Variants in BUB1B observed in about 807,000 individuals in gnomAD.
BUB1B encodes mitotic checkpoint serine/threonine-protein kinase BUB1 beta.
BUB1B carries 86 observed loss-of-function variants against 137.7 expected under a neutral mutation model. That is an observed-to-expected ratio of 0.62 (90% CI 0.52 to 0.75). The LOEUF (loss-of-function observed/expected upper bound fraction) is 0.75, where lower values mean the gene tolerates loss of function less well. Among genes scored for constraint, BUB1B ranks in the 30% least tolerant of loss-of-function variants. BUB1B has a pLI of 0.00. For missense variants in BUB1B, 1,130 were observed against 1,236.9 expected (o/e 0.91, Z 1.30); for synonymous variants, 420 against 417.9 (o/e 1.00, Z -0.06).
intron 14 of BUB1B, among the ~76,000 whole-genome samples, chr15:40,204,763 A>G (rs913767469): frequency 1.3e-4 from 19 of 151,092 alleles, no homozygotes; most frequent in African/African-American, 4.4e-4. Flanking sequence ...CAGCCTCCCA[A>G]TTAGCTGGGA....
At position 40,161,212 on chromosome 15, in the gene BUB1B, G is replaced by A. The variant is rs766028949; in HGVS notation, c.-9G>A. 8.1e-6 allele frequency: 13 copies of A among 1,613,446 alleles called. No homozygotes were observed. Among genetic ancestry groups the A allele is most frequent in the East Asian group, 6.7e-5 (3 of 44,856 alleles). On this transcript the variant is annotated 5_prime_UTR_variant, in exon 1 of 23. Coordinates refer to ENST00000287598, the MANE Select transcript of BUB1B (RefSeq NM_001211.6). ...GCAGCAGGACGAGGACCTGAGCCAG[G>A]AATGCAGGATGGCGGCGGTGAAGAA...
At chr15:40,178,087 G>A (rs1484045302) in intron 5 of BUB1B, among the ~76,000 whole-genome samples, 1 of 135,646 alleles carries the variant, frequency 7.4e-6, no homozygotes, top group African/African-American at 2.7e-5. Context: ...TTTTATTTCT[G>A]CACTTTATTT....
intron 5 of BUB1B, among the ~76,000 whole-genome samples, chr15:40,179,486 T>A (rs1476879097): frequency 1.3e-5 from 2 of 152,204 alleles, no homozygotes; most frequent in Non-Finnish European, 2.9e-5. Context: ...TTAGCTTCTT[T>A]AACTTTTAAC....
intron 3 of BUB1B, 54 bp from the exon 4 acceptor site, chr15:40,170,483 A>G: frequency 6.3e-7 from 1 of 1,599,038 alleles, no homozygotes; most frequent in Non-Finnish European, 8.6e-7. Flanking sequence ...TGGAGCAAGA[A>G]CAAAAGTACA....
Position 40,185,183 on chromosome 15 carries a change from G to A in BUB1B, c.770G>A (p.Gly257Glu). The A allele has an allele frequency of 6.2e-7, 1 of 1,613,960 alleles. No individual in the cohort carries two copies. Residue 257 changes from glycine to glutamate, a missense_variant, in exon 7 of 23, where the codon GGA (glycine) becomes GAA (glutamate). Gly to Glu is a moderately conservative substitution (Grantham distance 98). Transcript: ENST00000287598. ...CTCCTAGCTCCAAGCCAGAACAGAG[G>A]ACTCCAAAATCCATTTCCTCAACAG... ...GALKAPSQNRGLQNPFPQQMQ... is the reference protein window; with the variant it reads ...GALKAPSQNRELQNPFPQQMQ...
intron 2 of BUB1B, among the ~76,000 whole-genome samples, chr15:40,165,896 A>C (rs1428153150): frequency 6.6e-6 from 1 of 150,738 alleles, no homozygotes; most frequent in Non-Finnish European, 1.5e-5. Context: ...TCTATCACCC[A>C]GGTTGGAGTA....
At chr15:40,185,758 C>G (rs947088819) in intron 8 of BUB1B, 116 bp downstream of exon 8, 13 of 950,450 alleles carry the variant, frequency 1.4e-5, no homozygotes, top group African/African-American at 9.7e-5. Flanking sequence ...CCAGGCCAGG[C>G]GCAGTAGCTC....
At chr15:40,220,093 A>C (rs1212002488) in intron 22 of BUB1B, among the ~76,000 whole-genome samples, 1 of 152,214 alleles carries the variant, frequency 6.6e-6, no homozygotes, top group Admixed American at 6.5e-5. Context: ...TTCTCTGATC[A>C]AAAGAAAATA....
intron 2 of BUB1B, among the ~76,000 whole-genome samples, chr15:40,168,338 G>A (rs951308621): frequency 1.3e-5 from 2 of 151,838 alleles, no homozygotes; most frequent in East Asian, 3.9e-4. Context: ...TTGCACTCTA[G>A]CCTGGGTAGC....
chr15:40,217,083 A>C (rs1288319283), intron 20 of BUB1B, among the ~76,000 whole-genome samples: 4 of 152,248 alleles, frequency 2.6e-5, no homozygotes, highest in Non-Finnish European at 4.4e-5. Flanking sequence ...CCTATCTGGA[A>C]TAGTAAACAA....
intron 8 of BUB1B, among the ~76,000 whole-genome samples, chr15:40,191,242 A>G (rs1245327857): frequency 6.6e-6 from 1 of 152,182 alleles, no homozygotes. Flanking sequence ...TTCACTTAAT[A>G]TTTTTGGACC....
At chr15:40,219,795 A>G (rs953700790) in intron 22 of BUB1B, among the ~76,000 whole-genome samples, 28 of 152,052 alleles carry the variant, frequency 1.8e-4, no homozygotes, top group African/African-American at 6.0e-4. Context: ...CTATTGTTAT[A>G]TTCTTTGGTT....
intron 20 of BUB1B, among the ~76,000 whole-genome samples, chr15:40,215,927 T>A (rs2037774359): frequency 6.6e-6 from 1 of 151,774 alleles, no homozygotes; most frequent in African/African-American, 2.4e-5. Flanking sequence ...AAAAATAAAA[T>A]AAAAGCCAGA....
In BUB1B at chr15:40,206,496, T is replaced by G. The variant is rs753236626; in HGVS notation, c.2009+38T>G. On this transcript the variant is annotated intron_variant, in intron 15 of 22. Transcript: ENST00000287598. ...TTACAGGTTTTACAAACCAGATTGT[T>G]TACTCTCTTATTCTGCATGTGCTTG... 2.5e-6 allele frequency: 4 copies of G among 1,612,676 alleles called. No homozygotes were observed. In the Admixed American group the frequency reaches 6.7e-5, roughly 27 times the overall value.
chr15:40,198,820 T>TA (rs1376526139), intron 9 of BUB1B, among the ~76,000 whole-genome samples: 1 of 152,122 alleles, frequency 6.6e-6, no homozygotes, highest in African/African-American at 2.4e-5. Flanking sequence ...TGGCCAAGCA[T>TA]GGTAGCATGT....
intron 8 of BUB1B, among the ~76,000 whole-genome samples, chr15:40,192,599 G>A (rs1441882280): frequency 6.6e-6 from 1 of 151,920 alleles, no homozygotes; most frequent in Admixed American, 6.5e-5. Flanking sequence ...TCTTTTCATT[G>A]TCTTTATAGT....
At chr15:40,202,524 A>T (rs973361945) in intron 13 of BUB1B, 59 bp downstream of exon 13, 25 of 1,595,698 alleles carry the variant, frequency 1.6e-5, no homozygotes, top group Non-Finnish European at 2.1e-5. Context: ...TGTTATTATA[A>T]GTGAGGATAA....
chr15:40,208,443 C>G (rs2037664454), intron 15 of BUB1B, among the ~76,000 whole-genome samples, 194 bp from the exon 16 acceptor site: 1 of 151,938 alleles, frequency 6.6e-6, no homozygotes, highest in African/African-American at 2.4e-5. Context: ...GAGGCTGAGA[C>G]AGGAGAATCA....
intron 2 of BUB1B, chr15:40,166,363 G>A (rs1375283779): frequency 1.9e-5 from 8 of 430,358 alleles, no homozygotes; most frequent in Non-Finnish European, 3.2e-5. Flanking sequence ...TTTTAGAGAC[G>A]GAGTCTCGCT....
Sources: gnomAD v4.1 joint callset for allele counts (sites outside exome capture counted in the v4.1 genomes callset) on GRCh38, gnomAD v4.1.1 for gene constraint, MANE v1.5 for transcripts, NCBI Gene and HGNC (gene_info 2026-07-23, HGNC 2026-07-21) for gene names.